Variants in MME observed in about 807,000 individuals in gnomAD.
The protein encoded by MME is membrane metalloendopeptidase.
MME carries 98 observed loss-of-function variants against 113.2 expected under a neutral mutation model. That is an observed-to-expected ratio of 0.87 (90% CI 0.74 to 1.02). The LOEUF (loss-of-function observed/expected upper bound fraction) is 1.02, where lower values mean the gene tolerates loss of function less well. Ranked by LOEUF, MME falls within the 50% of genes least tolerant of loss-of-function variation. The probability of loss-of-function intolerance (pLI) is 0.00; values close to 1 mark genes in which losing one functional copy is unlikely to be tolerated. For synonymous variants in MME, 292 were observed against 300.6 expected (o/e 0.97, Z 0.30); for missense variants, 836 against 896.0 (o/e 0.93, Z 0.86).
Position 155,142,103 on chromosome 3 carries a change from C to G in MME, c.1070C>G (p.Pro357Arg). Reference sequence around the variant, plus strand: ...CCAGAATATTTAACCAAACTTAAGCCCATTCTTACCAAATATTCTGCCAGG... The same window carrying G: ...CCAGAATATTTAACCAAACTTAAGCGCATTCTTACCAAATATTCTGCCAGG... ...YAPEYLTKLK[P>R]ILTKYSARDL... The change falls in exon 11 of 23, where the codon CCC becomes CGC. Residue 357 changes from proline to arginine, a missense_variant. Physicochemically the swap from Pro to Arg is moderately radical, Grantham distance 103 (BLOSUM62 -2). Coordinates refer to ENST00000360490, the MANE Select transcript of MME (RefSeq NM_007289.4). The G allele has an allele frequency of 2.5e-6, 4 of 1,613,790 alleles. No homozygotes were observed. Among genetic ancestry groups the G allele is most frequent in the Non-Finnish European group, 2.5e-6 (3 of 1,179,820 alleles).
intron 7 of MME, 128 bp from the exon 8 acceptor site, chr3:155,118,618 T>A: frequency 2.9e-6 from 2 of 682,480 alleles, no homozygotes; most frequent in South Asian, 3.4e-5. Context: ...ATTTATTGAG[T>A]GTCTGATGGT....
At position 155,148,619 on chromosome 3, in the gene MME, C is replaced by G; in HGVS notation, c.1567C>G (p.Leu523Val). 1.2e-6 allele frequency: 2 copies of G among 1,612,740 alleles called. No individual in the cohort carries two copies. Among genetic ancestry groups the G allele is most frequent in the Non-Finnish European group, 1.7e-6 (2 of 1,179,104 alleles). ...QNLKFSQSKQ[L>V]KKLREKVDKD... ...TTTGAAATTCAGCCAAAGTAAACAA[C>G]TGAAGAAGCTCCGAGAAAAGGTGGA... The change falls in exon 16 of 23, where the codon CTG becomes GTG. Residue 523 changes from leucine to valine, a missense_variant. Transcript: ENST00000360490.
intron 16 of MME, among the ~76,000 whole-genome samples, chr3:155,151,281 T>C (rs1237184136): frequency 2.0e-5 from 3 of 152,178 alleles, no homozygotes; most frequent in Non-Finnish European, 1.5e-5. Flanking sequence ...TATGTGTGCA[T>C]ACCCAAAACT....
chr3:155,151,603 C>T (rs1721939450), intron 16 of MME, among the ~76,000 whole-genome samples: 2 of 152,122 alleles, frequency 1.3e-5, no homozygotes, highest in Admixed American at 6.5e-5. Context: ...ACCCTAAAAA[C>T]ACAGCATTTG....
chr3:155,180,855 A>G lies in MME; in HGVS notation c.*396A>G, dbSNP rs1713018695. The G allele has an allele frequency of 4.3e-6, 1 of 235,286 alleles. No homozygotes were observed. Among genetic ancestry groups the G allele is most frequent in the African/African-American group, 2.3e-5 (1 of 44,330 alleles). 14.6% of individuals were successfully genotyped at this position (235,286 alleles called of 1,614,324 possible). A position where few individuals can be genotyped will look rare whatever the true frequency, so the allele number is the denominator to read the frequency against. ...GAATACAGTTAGGCACCAGAAGAAC[A>G]GTAGGTGACACTATAGTTTAAAACA... On this transcript the variant is annotated 3_prime_UTR_variant, in exon 23 of 23. Transcript: ENST00000360490.
At chr3:155,161,487 G>A (rs776305046) in intron 17 of MME, among the ~76,000 whole-genome samples, 2 of 151,776 alleles carry the variant, frequency 1.3e-5, no homozygotes, top group Non-Finnish European at 2.9e-5. Context: ...AATCTTACAA[G>A]ATATTTATCA....
At chr3:155,176,298 A>G (rs1227671169) in intron 22 of MME, among the ~76,000 whole-genome samples, 1 of 152,192 alleles carries the variant, frequency 6.6e-6, no homozygotes, top group African/African-American at 2.4e-5. Flanking sequence ...AAGGGAATAA[A>G]CATCAGCAGT....
At chr3:155,157,273 A>G (rs1722387055) in intron 16 of MME, among the ~76,000 whole-genome samples, 1 of 152,146 alleles carries the variant, frequency 6.6e-6, no homozygotes, top group African/African-American at 2.4e-5. Flanking sequence ...ACATGCCCAC[A>G]TTTGTATGCA....
At chr3:155,029,525 G>C (rs1259347095) in intron 1 of MME, among the ~76,000 whole-genome samples, 1 of 150,978 alleles carries the variant, frequency 6.6e-6, no homozygotes, top group Non-Finnish European at 1.5e-5. Flanking sequence ...CCCGTATCTA[G>C]TATTTAATTA....
chr3:155,050,421 A>G (rs1713721536), intron 1 of MME, among the ~76,000 whole-genome samples: 1 of 152,186 alleles, frequency 6.6e-6, no homozygotes, highest in Non-Finnish European at 1.5e-5. Context: ...GCTTTCCATG[A>G]TGACTGAATT....
chr3:155,119,760 C>A (rs1228285726), intron 8 of MME, among the ~76,000 whole-genome samples: 81 of 142,224 alleles, frequency 5.7e-4, no homozygotes, highest in Non-Finnish European at 6.1e-4. Context: ...TTTTTTATGG[C>A]TGCATAGTAT....
intron 1 of MME, among the ~76,000 whole-genome samples, chr3:155,056,285 G>A (rs1013408565): frequency 8.0e-5 from 12 of 150,368 alleles, no homozygotes; most frequent in African/African-American, 2.5e-4. Context: ...CCATTAACTC[G>A]TCATTTAGCA....
At chr3:155,089,918 C>G (rs940163399) in intron 3 of MME, 1 of 439,742 alleles carries the variant, frequency 2.3e-6, no homozygotes, top group African/African-American at 2.0e-5. Flanking sequence ...CAAGATTGCA[C>G]GACTGCACTC....
At chr3:155,076,099 T>C (rs1714738604), upstream of MME, among the ~76,000 whole-genome samples, 1 of 152,210 alleles carries the variant, frequency 6.6e-6, no homozygotes, top group Non-Finnish European at 1.5e-5. Flanking sequence ...TTGAACAGTC[T>C]AGCTTGGACT....
chr3:155,045,339 A>C (rs1713521069), intron 1 of MME, among the ~76,000 whole-genome samples: 1 of 151,828 alleles, frequency 6.6e-6, no homozygotes, highest in Non-Finnish European at 1.5e-5. Context: ...TAGTGGAGAC[A>C]GGGTTTCTCC....
At chr3:155,097,624 G>C (rs992019403) in intron 3 of MME, among the ~76,000 whole-genome samples, 3 of 152,192 alleles carry the variant, frequency 2.0e-5, no homozygotes, top group Non-Finnish European at 4.4e-5. Context: ...CGAGATAAAG[G>C]ATGGCCTCCT....
intron 1 of MME, among the ~76,000 whole-genome samples, chr3:155,040,110 T>C (rs1713258751): frequency 2.6e-5 from 4 of 152,138 alleles, no homozygotes; most frequent in African/African-American, 9.7e-5. Flanking sequence ...CTGGATAAAT[T>C]CGTACACAGA....
chr3:155,052,579 G>T (rs1362479276), intron 1 of MME, among the ~76,000 whole-genome samples: 2 of 152,258 alleles, frequency 1.3e-5, no homozygotes, highest in African/African-American at 4.8e-5. Context: ...CACAGCTGGA[G>T]CTGAAGTAGC....
intron 16 of MME, among the ~76,000 whole-genome samples, chr3:155,152,379 T>C (rs1721997913): frequency 6.6e-6 from 1 of 152,190 alleles, no homozygotes; most frequent in Non-Finnish European, 1.5e-5. Flanking sequence ...TTACTACGTT[T>C]AGTTGGACTA....
Sources: allele counts gnomAD v4.1 joint callset (sites outside exome capture counted in the v4.1 genomes callset), GRCh38; gene constraint gnomAD v4.1.1; transcripts MANE v1.5; gene names NCBI Gene and HGNC (gene_info 2026-07-23, HGNC 2026-07-21).